DGKK: variants seen among roughly 807,000 people sequenced by gnomAD.
DGKK encodes the protein 142 kDa diacylglycerol kinase.
In DGKK, 35 loss-of-function variants were observed where a neutral mutation model predicts 92.2. The observed-to-expected ratio is 0.38, with a 90% CI of 0.29 to 0.50. DGKK has a LOEUF of 0.50. DGKK is among the 20% of genes least tolerant of loss of function. DGKK has a pLI of 0.92. For synonymous variants in DGKK, 368 were observed against 360.6 expected (o/e 1.02, Z -0.23); for missense variants, 910 against 992.2 (o/e 0.92, Z 1.11).
intron 1 of DGKK, among the ~76,000 whole-genome samples, chrX:50,469,727 T>A (rs1329878068): frequency 4.4e-5 from 5 of 112,854 alleles, no homozygotes; most frequent in Non-Finnish European, 9.4e-5. Flanking sequence ...CTTCCTCCTC[T>A]CTTTCAAGAT....
intron 8 of DGKK, among the ~76,000 whole-genome samples, chrX:50,400,207 G>A (rs1924965785): frequency 9.0e-6 from 1 of 111,120 alleles, no homozygotes; most frequent in African/African-American, 3.3e-5. Flanking sequence ...CTTACGTCAT[G>A]ATACCTCCAT....
At chrX:50,406,655 G>A (rs1925161919) in intron 4 of DGKK, among the ~76,000 whole-genome samples, 1 of 111,668 alleles carries the variant, frequency 9.0e-6, no homozygotes, top group South Asian at 3.8e-4. Flanking sequence ...GCCAAAAAAT[G>A]CCAAAGTTTG....
chrX:50,455,565 T>C (rs1899380922), intron 1 of DGKK, among the ~76,000 whole-genome samples: 1 of 111,813 alleles, frequency 8.9e-6, no homozygotes, highest in African/African-American at 3.2e-5. Flanking sequence ...GCGCAATATA[T>C]TCCAAGGCTT....
At chrX:50,466,217 A>C (rs1926907231) in intron 1 of DGKK, among the ~76,000 whole-genome samples, 1 of 109,576 alleles carries the variant, frequency 9.1e-6, no homozygotes. Context: ...GAATACACCA[A>C]ATAAATCAGA....
intron 4 of DGKK, among the ~76,000 whole-genome samples, chrX:50,406,678 A>G (rs987752131): frequency 8.9e-6 from 1 of 112,036 alleles, no homozygotes; most frequent in South Asian, 3.8e-4. Flanking sequence ...TGCAATCACC[A>G]GAAGCTAGGA....
At chrX:50,465,055 T>A (rs1352928303) in intron 1 of DGKK, among the ~76,000 whole-genome samples, 3 of 111,866 alleles carry the variant, frequency 2.7e-5, no homozygotes, top group Non-Finnish European at 5.6e-5. Context: ...GGACCTTCCC[T>A]TTATTTTTGC....
chrX:50,462,009 T>G (rs1848282677), intron 1 of DGKK, among the ~76,000 whole-genome samples: 1 of 111,337 alleles, frequency 9.0e-6, no homozygotes, highest in Non-Finnish European at 1.9e-5. Context: ...TCTGACTAAT[T>G]GGTAGTTAAT....
intron 1 of DGKK, among the ~76,000 whole-genome samples, chrX:50,457,347 C>T (rs1425998018): frequency 4.5e-5 from 5 of 111,327 alleles, no homozygotes; most frequent in African/African-American, 1.6e-4. Context: ...CTTTAAGAGG[C>T]CTGAGTCATT....
intron 5 of DGKK, 63 bp from the exon 6 acceptor site, chrX:50,403,660 T>C (rs1925070271): frequency 3.2e-6 from 3 of 931,345 alleles, no homozygotes; most frequent in Non-Finnish European, 4.6e-6. Context: ...TCTAATTCTC[T>C]TCCCAAAGCT....
chrX:50,380,755 A>C (rs1333406508), intron 18 of DGKK, among the ~76,000 whole-genome samples: 1 of 111,260 alleles, frequency 9.0e-6, no homozygotes, highest in Admixed American at 9.6e-5. Context: ...GAAAGGCTGG[A>C]TATAGTTTAC....
At chrX:50,397,132 T>C (rs1181532956) in intron 8 of DGKK, among the ~76,000 whole-genome samples, 1 of 111,917 alleles carries the variant, frequency 8.9e-6, no homozygotes, top group Non-Finnish European at 1.9e-5. Flanking sequence ...CAGCATCAAG[T>C]GTGAAAAGAG....
intron 8 of DGKK, among the ~76,000 whole-genome samples, chrX:50,399,398 T>G (rs1924937501): frequency 8.9e-6 from 1 of 112,462 alleles, no homozygotes; most frequent in Non-Finnish European, 1.9e-5. Context: ...TTTTCCTTTC[T>G]TTGCTTCCAG....
chrX:50,396,128 A>C (rs1924845689), intron 8 of DGKK, among the ~76,000 whole-genome samples: 1 of 112,400 alleles, frequency 8.9e-6, no homozygotes, highest in Admixed American at 9.4e-5. Flanking sequence ...ATATCTTGTA[A>C]CTGTAAAAAA....
chrX:50,384,385 T>A (rs1229492497), intron 16 of DGKK, 121 bp from the exon 17 acceptor site: 10 of 466,800 alleles, frequency 2.1e-5, no homozygotes, highest in African/African-American at 5.0e-5. Context: ...TTCTCCTAGA[T>A]AATATTAAGG....
intron 4 of DGKK, among the ~76,000 whole-genome samples, chrX:50,415,871 A>G (rs1925421547): frequency 8.9e-6 from 1 of 112,085 alleles, no homozygotes; most frequent in Non-Finnish European, 1.9e-5. Flanking sequence ...GATACTTTAG[A>G]CTTTATAATT....
At chrX:50,376,630 A>C in intron 23 of DGKK, 128 bp downstream of exon 23, 3 of 652,464 alleles carry the variant, frequency 4.6e-6, no homozygotes, top group South Asian at 9.8e-5. Flanking sequence ...GTCCCGCTCA[A>C]TTTTTAGAGC....
At chrX:50,389,743 C>T (rs1255028009) in intron 12 of DGKK, among the ~76,000 whole-genome samples, 2 of 111,265 alleles carry the variant, frequency 1.8e-5, no homozygotes, top group Non-Finnish European at 3.8e-5. Context: ...CCCTACGCCT[C>T]AGCCATTATG....
rs1054376020 is a variant in DGKK, at chrX:50,382,429, T to C, written c.2657+67A>G. On this transcript the variant is annotated intron_variant, in intron 18 of 27. Transcript: ENST00000611977. ...TGTTGCTTGTCTGAGAGGTAGAGAATGTAGGAATACGTATGTGTATTGTGA... is the reference window on the plus strand; with the variant it reads ...TGTTGCTTGTCTGAGAGGTAGAGAACGTAGGAATACGTATGTGTATTGTGA... 2.7e-5 allele frequency: 21 copies of C among 774,663 alleles called. No individual in the cohort carries two copies. The African/African-American group carries it at 4.0e-4, about 15-fold the overall frequency. 63.8% of individuals were successfully genotyped at this position (774,663 alleles called of 1,213,427 possible).
chrX:50,399,120 A>G (rs1924928573), intron 8 of DGKK, among the ~76,000 whole-genome samples: 1 of 112,004 alleles, frequency 8.9e-6, no homozygotes, highest in South Asian at 3.7e-4. Context: ...ACATGTTATT[A>G]TGGGGACATA....
Sources: gnomAD v4.1 joint callset for allele counts (sites outside exome capture counted in the v4.1 genomes callset) on GRCh38, gnomAD v4.1.1 for gene constraint, MANE v1.5 for transcripts, NCBI Gene and HGNC (gene_info 2026-07-23, HGNC 2026-07-21) for gene names.